CHCHD3: variants seen among roughly 807,000 people sequenced by gnomAD.
CHCHD3 encodes MICOS complex subunit MIC19.
In CHCHD3, 20 loss-of-function variants were observed where a neutral mutation model predicts 38.2. The ratio of observed to expected loss-of-function variants is 0.52; its 90% CI spans 0.37 to 0.76. The LOEUF is 0.76. Ranked by LOEUF, CHCHD3 falls within the 30% of genes least tolerant of loss-of-function variation. The pLI, the probability that CHCHD3 is intolerant of heterozygous loss-of-function variation, is 0.00. For synonymous variants in CHCHD3, 82 were observed against 100.0 expected (o/e 0.82, Z 1.07); for missense variants, 245 against 279.2 (o/e 0.88, Z 0.87).
chr7:132,958,146 T>C lies in CHCHD3; in HGVS notation c.369+17023A>G, dbSNP rs549389484. On this transcript the variant is annotated intron_variant, in intron 4 of 7. Transcript: ENST00000262570. ...CCTGAATGTATGACGGGCATGAGGCTAAGAGGGCTTATTATAAACATCTCC... is the reference window on the plus strand; with the variant it reads ...CCTGAATGTATGACGGGCATGAGGCCAAGAGGGCTTATTATAAACATCTCC... 1.5e-3 allele frequency among the ~76,000 whole-genome samples: 230 copies of C among 152,292 alleles called. 1 individual carries two copies. The highest frequency in any genetic ancestry group is 5.1e-3 in the African/African-American group (213 of 41,566).
At chr7:133,028,645 G>T (rs1813413190) in intron 2 of CHCHD3, among the ~76,000 whole-genome samples, 1 of 152,150 alleles carries the variant, frequency 6.6e-6, no homozygotes, top group Admixed American at 6.5e-5. Flanking sequence ...CCAACACTCT[G>T]AGAGGCTGAG....
At chr7:132,827,073 G>A (rs1807526315) in intron 6 of CHCHD3, among the ~76,000 whole-genome samples, 1 of 152,170 alleles carries the variant, frequency 6.6e-6, no homozygotes, top group Non-Finnish European at 1.5e-5. Flanking sequence ...AAAAAAATAT[G>A]ATTATGGATA....
chr7:132,975,079 C>A (rs1811726121), intron 4 of CHCHD3, 90 bp downstream of exon 4: 1 of 1,000,430 alleles, frequency 1.0e-6, no homozygotes, highest in Non-Finnish European at 1.6e-6. Flanking sequence ...ATTATCAACA[C>A]TAAAAGCTGG....
At chr7:133,046,592 C>T (rs1450040311) in intron 2 of CHCHD3, among the ~76,000 whole-genome samples, 4 of 216 alleles carry the variant, frequency 0.019, no homozygotes, top group Non-Finnish European at 0.034. Flanking sequence ...ACGGAGTCTC[C>T]CTTCTGTCGC....
chr7:133,076,089 T>C (rs986527979), intron 1 of CHCHD3, among the ~76,000 whole-genome samples: 2 of 150,946 alleles, frequency 1.3e-5, no homozygotes, highest in African/African-American at 4.9e-5. Flanking sequence ...AAAAAGTATC[T>C]TCTTCAGGAA....
At chr7:132,857,706 C>T (rs1808375249) in intron 5 of CHCHD3, among the ~76,000 whole-genome samples, 1 of 152,156 alleles carries the variant, frequency 6.6e-6, no homozygotes, top group African/African-American at 2.4e-5. Flanking sequence ...CTGCGCCTGG[C>T]CTAGGCAGCC....
intron 4 of CHCHD3, among the ~76,000 whole-genome samples, chr7:132,947,506 T>G (rs1044704012): frequency 6.6e-6 from 1 of 151,892 alleles, no homozygotes; most frequent in African/African-American, 2.4e-5. Context: ...TCAAAGGAAA[T>G]ACAGAAATGA....
At chr7:132,801,867 G>A (rs112836822) in intron 6 of CHCHD3, among the ~76,000 whole-genome samples, 3 of 152,296 alleles carry the variant, frequency 2.0e-5, no homozygotes, top group African/African-American at 7.2e-5. Context: ...AAAGATGTCA[G>A]GTTCACAATT....
At chr7:132,844,025 C>T (rs1228232369) in intron 5 of CHCHD3, among the ~76,000 whole-genome samples, 1 of 152,290 alleles carries the variant, frequency 6.6e-6, no homozygotes, top group Admixed American at 6.5e-5. Context: ...ACGGGCCGGG[C>T]GAAGTGGCTC....
intron 4 of CHCHD3, chr7:132,972,650 G>A (rs1344582033): frequency 2.0e-6 from 2 of 985,324 alleles, no homozygotes; most frequent in Non-Finnish European, 2.4e-6. Flanking sequence ...GGCCATGGCA[G>A]ACCATGCAAA....
chr7:132,820,558 C>T (rs1031296112), intron 6 of CHCHD3, among the ~76,000 whole-genome samples: 1 of 150,666 alleles, frequency 6.6e-6, no homozygotes, highest in Non-Finnish European at 1.5e-5. Context: ...CTTTTAAATC[C>T]AGAATGTAGT....
At chr7:133,020,280 T>C (rs558826197) in intron 3 of CHCHD3, among the ~76,000 whole-genome samples, 1 of 152,272 alleles carries the variant, frequency 6.6e-6, no homozygotes, top group East Asian at 1.9e-4. Flanking sequence ...AGCAACTGTA[T>C]TGTCACTGTG....
At chr7:132,912,860 T>G (rs576447109) in intron 4 of CHCHD3, among the ~76,000 whole-genome samples, 1 of 152,188 alleles carries the variant, frequency 6.6e-6, no homozygotes, top group Non-Finnish European at 1.5e-5. Flanking sequence ...CGGCCAAAGA[T>G]GGGACTACTA....
intron 3 of CHCHD3, among the ~76,000 whole-genome samples, chr7:133,020,942 T>TG (rs1422097060): frequency 1.6e-5 from 2 of 125,590 alleles, no homozygotes; most frequent in Non-Finnish European, 3.4e-5. Flanking sequence ...TCTTTTTTGG[T>TG]GGGGGGAGAA....
intron 6 of CHCHD3, among the ~76,000 whole-genome samples, chr7:132,826,972 C>T (rs1563247398): frequency 6.6e-6 from 1 of 152,026 alleles, no homozygotes; most frequent in Non-Finnish European, 1.5e-5. Context: ...AAATGAAATA[C>T]AAGCAAGATT....
At position 132,847,525 on chromosome 7, in the gene CHCHD3, A is replaced by G. The variant is rs367628528; in HGVS notation, c.454-9056T>C. The G allele has an allele frequency of 3.9e-5, 6 of 152,308 alleles. No individual in the cohort carries two copies. The East Asian group carries it at 1.2e-3, about 29-fold the overall frequency. 9.4% of individuals were successfully genotyped at this position (152,308 alleles called of 1,614,324 possible). ...TCTAGACCGTACGGAAGGAAACGAG[A>G]ATCAACAAGAGTGGGCATCATTCCC... is the stretch of plus-strand genomic sequence containing the variant. On this transcript the variant is annotated intron_variant, in intron 5 of 7. Coordinates refer to ENST00000262570, the MANE Select transcript of CHCHD3 (RefSeq NM_017812.4).
At chr7:133,005,895 A>G (rs1005835293) in intron 3 of CHCHD3, among the ~76,000 whole-genome samples, 5 of 152,184 alleles carry the variant, frequency 3.3e-5, no homozygotes, top group Non-Finnish European at 7.4e-5. Context: ...CAATTTTAGA[A>G]ATACTGAGTC....
intron 6 of CHCHD3, among the ~76,000 whole-genome samples, chr7:132,835,942 A>G (rs1260133003): frequency 6.6e-6 from 1 of 152,198 alleles, no homozygotes; most frequent in Non-Finnish European, 1.5e-5. Context: ...GCAGATGGCC[A>G]TCTATAAGCC....
chr7:133,003,607 C>A (rs1812627472), intron 3 of CHCHD3, among the ~76,000 whole-genome samples: 1 of 152,130 alleles, frequency 6.6e-6, no homozygotes, highest in Non-Finnish European at 1.5e-5. Context: ...AATTTTACTT[C>A]TTTTTTCTTA....
Sources: allele counts gnomAD v4.1 joint callset (sites outside exome capture counted in the v4.1 genomes callset), GRCh38; gene constraint gnomAD v4.1.1; transcripts MANE v1.5; gene names NCBI Gene and HGNC (gene_info 2026-07-23, HGNC 2026-07-21).